The following RYR2 variants were observed in gnomAD, a reference collection of about 807,000 sequenced individuals.
RYR2 encodes cardiac muscle ryanodine receptor-calcium release channel.
In RYR2, 227 loss-of-function variants were observed where a neutral mutation model predicts 601.1. The observed-to-expected ratio is 0.38, with a 90% CI of 0.34 to 0.42. The LOEUF is 0.42. Ranked by LOEUF, RYR2 falls within the 10% of genes least tolerant of loss-of-function variation. RYR2 has a pLI of 1.00. For synonymous variants in RYR2, 2,223 were observed against 2,175.1 expected (o/e 1.02, Z -0.61); for missense variants, 4,646 against 6,156.5 (o/e 0.75, Z 8.21).
intron 2 of RYR2, among the ~76,000 whole-genome samples, chr1:237,326,811 T>C (rs527978998): frequency 1.3e-5 from 2 of 152,370 alleles, no homozygotes; most frequent in South Asian, 4.1e-4. Flanking sequence ...TGTTTTACCT[T>C]ATCTTCCATT....
chr1:237,339,962 C>T (rs1033575429), intron 3 of RYR2, among the ~76,000 whole-genome samples: 2 of 152,098 alleles, frequency 1.3e-5, no homozygotes, highest in Non-Finnish European at 2.9e-5. Context: ...CAACTGGCTC[C>T]GACCATGGGG....
intron 22 of RYR2, among the ~76,000 whole-genome samples, chr1:237,504,208 G>A (rs1572629187): frequency 6.6e-6 from 1 of 152,236 alleles, no homozygotes; most frequent in South Asian, 2.1e-4. Context: ...AACAGGCTTT[G>A]TGTGAGCAAT....
At chr1:237,475,565 G>A (rs1661308787) in intron 17 of RYR2, among the ~76,000 whole-genome samples, 1 of 152,134 alleles carries the variant, frequency 6.6e-6, no homozygotes, top group Non-Finnish European at 1.5e-5. Flanking sequence ...TATAGTGGAA[G>A]TGGAAGCAAA....
chr1:237,536,998 G>T (rs1024238454), intron 25 of RYR2, among the ~76,000 whole-genome samples: 5 of 152,008 alleles, frequency 3.3e-5, no homozygotes, highest in Admixed American at 2.6e-4. Context: ...AACCCCTGCA[G>T]ATCCAATAAG....
chr1:237,699,354 A>T (rs1399681416), intron 64 of RYR2, among the ~76,000 whole-genome samples: 1 of 152,186 alleles, frequency 6.6e-6, no homozygotes, highest in Admixed American at 6.5e-5. Flanking sequence ...TTTGTGCTTA[A>T]CATTCATAAT....
At chr1:237,262,502 C>A (rs1278655114) in intron 1 of RYR2, among the ~76,000 whole-genome samples, 1 of 151,918 alleles carries the variant, frequency 6.6e-6, no homozygotes, top group Non-Finnish European at 1.5e-5. Flanking sequence ...GTTGATCCAC[C>A]CGCCTCGGCC....
At position 237,707,091 on chromosome 1, in the gene RYR2, G is replaced by A. The variant is rs1273191563; in HGVS notation, c.9723G>A (p.Met3241Ile). 6.2e-7 allele frequency: 1 copy of A among 1,613,966 alleles called. No homozygotes were observed. Among genetic ancestry groups the A allele is most frequent in the South Asian group, 1.1e-5 (1 of 91,080 alleles). The change falls in exon 68 of 105, where the codon ATG (methionine) becomes ATA (isoleucine). Residue 3241 changes from methionine to isoleucine, a missense_variant. Transcript: ENST00000366574. ...MPHVMEVILP[M>I]LCSYMSRWWE... ...ATGTCATGGAAGTCATACTGCCCAT[G>A]CTTTGCAGCTACATGTCTCGTTGGT... is the stretch of plus-strand genomic sequence containing the variant.
chr1:237,599,689 G>C (rs1321652667), intron 34 of RYR2, among the ~76,000 whole-genome samples: 1 of 151,912 alleles, frequency 6.6e-6, no homozygotes, highest in Non-Finnish European at 1.5e-5. Context: ...CGGGCATGGT[G>C]GCAGGCACCT....
intron 2 of RYR2, among the ~76,000 whole-genome samples, chr1:237,299,127 C>CTTTTTTTTTTTT: frequency 6.9e-6 from 1 of 145,462 alleles, no homozygotes; most frequent in Non-Finnish European, 1.5e-5. Flanking sequence ...TTCCTAGAGT[C>CTTTTTTTTTTTT]TTTTTTTTTT....
intron 1 of RYR2, among the ~76,000 whole-genome samples, chr1:237,099,001 AC>A: frequency 6.6e-6 from 1 of 152,332 alleles, no homozygotes; most frequent in Non-Finnish European, 1.5e-5. Context: ...GAGGGCTCAG[AC>A]AACCACTGCG....
chr1:237,205,332 A>G (rs1198798053), intron 1 of RYR2, among the ~76,000 whole-genome samples: 1 of 152,138 alleles, frequency 6.6e-6, no homozygotes, highest in East Asian at 1.9e-4. Context: ...CTTGGGAGCC[A>G]TGGAGGGCTT....
At chr1:237,098,166 C>G (rs1410105857) in intron 1 of RYR2, among the ~76,000 whole-genome samples, 1 of 152,038 alleles carries the variant, frequency 6.6e-6, no homozygotes, top group Non-Finnish European at 1.5e-5. Context: ...CCACTTGTGC[C>G]ATAAAATTTC....
At chr1:237,525,676 C>T (rs186298274) in intron 24 of RYR2, among the ~76,000 whole-genome samples, 53 of 152,024 alleles carry the variant, frequency 3.5e-4, no homozygotes, top group African/African-American at 1.0e-3. Context: ...GTCTCAAACG[C>T]GTGACCTGAT....
In RYR2 at chr1:237,633,585, C is replaced by T. The variant is rs769860725; in HGVS notation, c.6563C>T (p.Thr2188Ile). 1 of 1,613,802 alleles carries T rather than the reference C, an allele frequency of 6.2e-7. No homozygotes were observed. Among genetic ancestry groups the T allele is most frequent in the African/African-American group, 1.3e-5 (1 of 74,930 alleles). Residue 2188 changes from threonine to isoleucine, a missense_variant, in exon 43 of 105, where the codon ACC (threonine) becomes ATC (isoleucine). By Grantham distance (89) the Thr-to-Ile change is moderately conservative. Around this residue, in one of 17 missense-constraint regions of RYR2, gnomAD observed 137 missense variants for 273.6 expected, o/e 0.50. Transcript: ENST00000366574. ...GACATGCTTTATCTGTAGGAAATCA[C>T]CTTTCCCAAGATGGTGGCCAACTGT... is the stretch of plus-strand genomic sequence containing the variant. The part of the protein sequence containing the change: ...VLGGGESKEI[T>I]FPKMVANCCR...
intron 17 of RYR2, 56 bp from the exon 18 acceptor site, chr1:237,491,750 C>A: frequency 2.5e-6 from 2 of 799,206 alleles, no homozygotes; most frequent in South Asian, 3.1e-5. Flanking sequence ...AGACACTGGT[C>A]ATTGTACACC....
chr1:237,758,345 A>G (rs1693126106), intron 82 of RYR2, among the ~76,000 whole-genome samples: 1 of 152,054 alleles, frequency 6.6e-6, no homozygotes, highest in South Asian at 2.1e-4. Context: ...TATAACTTCA[A>G]ATATATATCC....
At position 237,046,604 on chromosome 1, in the gene RYR2, C is replaced by T. The variant is rs533609326; in HGVS notation, c.48+4035C>T. Among the ~76,000 whole-genome samples, 8 of 152,286 alleles carry T rather than the reference C, an allele frequency of 5.3e-5. No homozygotes were observed. The South Asian group carries it at 1.7e-3, about 32-fold the overall frequency. On this transcript the variant is annotated intron_variant, in intron 1 of 104. Transcript: ENST00000366574. ...ATTTTAACTTAGAAATTAGCATGTA[C>T]ACATTGGCAGGAAGGGCAAGATCTA...
chr1:237,352,647 G>GAAA (rs1327905814), intron 3 of RYR2, among the ~76,000 whole-genome samples: 1 of 152,118 alleles, frequency 6.6e-6, no homozygotes, highest in Admixed American at 6.6e-5. Context: ...CAACTTTGAA[G>GAAA]AAAAGAACAA....
chr1:237,080,412 T>C (rs1316178041), intron 1 of RYR2, among the ~76,000 whole-genome samples: 18 of 16,542 alleles, frequency 1.1e-3, no homozygotes, highest in African/African-American at 3.0e-3. Flanking sequence ...GAATCTACAA[T>C]GAACTCAAAC....
Sources: allele counts gnomAD v4.1 joint callset (sites outside exome capture counted in the v4.1 genomes callset), GRCh38; gene constraint gnomAD v4.1.1; regional missense constraint gnomAD v4.1.1; transcripts MANE v1.5; gene names NCBI Gene and HGNC (gene_info 2026-07-23, HGNC 2026-07-21).